MSRB3: variants seen among roughly 807,000 people sequenced by gnomAD.
MSRB3 encodes methionine sulfoxide reductase B3, also known as methionine-R-sulfoxide reductase B3.
MSRB3 carries 13 observed loss-of-function variants against 21.0 expected under a neutral mutation model. The observed-to-expected ratio is 0.62, with a 90% CI of 0.40 to 0.98. The LOEUF (loss-of-function observed/expected upper bound fraction) is 0.98. Ranked by LOEUF, MSRB3 falls within the 50% of genes least tolerant of loss-of-function variation. MSRB3 has a pLI of 0.00. For missense variants in MSRB3, 199 were observed against 230.3 expected, an observed-to-expected ratio of 0.86 and a Z score of 0.88; for synonymous variants, 87 against 88.6, an observed-to-expected ratio of 0.98 and a Z score of 0.10.
intron 1 of MSRB3, among the ~76,000 whole-genome samples, chr12:65,291,690 G>C (rs989520801): frequency 6.6e-6 from 1 of 152,056 alleles, no homozygotes; most frequent in Non-Finnish European, 1.5e-5. Flanking sequence ...AGGGTCTTTC[G>C]TTCTCAGTTT....
chr12:65,455,391 T>C (rs117421425), intron 6 of MSRB3, among the ~76,000 whole-genome samples: 192 of 152,356 alleles, frequency 1.3e-3, no homozygotes, highest in Non-Finnish European at 2.1e-3. Context: ...ATGGTGATAG[T>C]GGAACTTTCT....
At chr12:65,445,585 C>G (rs1054806031) in intron 5 of MSRB3, among the ~76,000 whole-genome samples, 1 of 151,140 alleles carries the variant, frequency 6.6e-6, no homozygotes, top group South Asian at 2.1e-4. Flanking sequence ...TTTTTAGAGT[C>G]TATAGGTTTA....
chr12:65,424,517 T>C (rs549489461), intron 5 of MSRB3, among the ~76,000 whole-genome samples: 1 of 152,188 alleles, frequency 6.6e-6, no homozygotes, highest in Admixed American at 6.5e-5. Context: ...TTTCTATTTT[T>C]GTGTATTTCG....
chr12:65,286,384 A>T (rs1340784708), intron 1 of MSRB3: 1 of 152,224 alleles, frequency 6.6e-6, no homozygotes, highest in Non-Finnish European at 1.5e-5. Context: ...AATGTACTTT[A>T]TACTAAGACT....
chr12:65,374,565 A>T (rs1283319682), intron 5 of MSRB3, among the ~76,000 whole-genome samples: 1 of 152,224 alleles, frequency 6.6e-6, no homozygotes, highest in East Asian at 1.9e-4. Flanking sequence ...TTAGATTTAG[A>T]CAAATTCACC....
chr12:65,339,161 T>C (rs543409588), intron 4 of MSRB3, among the ~76,000 whole-genome samples: 1 of 152,182 alleles, frequency 6.6e-6, no homozygotes, highest in Admixed American at 6.5e-5. Flanking sequence ...AACAGAAAGG[T>C]GTTTCTCAGC....
At chr12:65,284,362 C>A (rs1872218149) in intron 1 of MSRB3, 1 of 152,176 alleles carries the variant, frequency 6.6e-6, no homozygotes, top group Non-Finnish European at 1.5e-5. Flanking sequence ...AGCGGCACCG[C>A]AGTAGAAGTG....
At chr12:65,448,473 G>A (rs947262008) in intron 5 of MSRB3, among the ~76,000 whole-genome samples, 1 of 152,062 alleles carries the variant, frequency 6.6e-6, no homozygotes, top group African/African-American at 2.4e-5. Context: ...AGATTATGTA[G>A]GTATAAGTAC....
intron 5 of MSRB3, among the ~76,000 whole-genome samples, chr12:65,382,759 T>G (rs902046759): frequency 3.9e-5 from 6 of 151,976 alleles, no homozygotes; most frequent in African/African-American, 1.4e-4. Context: ...TATATGGTTT[T>G]ATTTTTTCAG....
intron 6 of MSRB3, among the ~76,000 whole-genome samples, chr12:65,456,927 A>G (rs546642007): frequency 7.2e-5 from 11 of 151,910 alleles, no homozygotes; most frequent in African/African-American, 2.7e-4. Flanking sequence ...CTTTCATTTC[A>G]ATTTCTCTGT....
At chr12:65,306,222 C>G (rs933401791) in intron 1 of MSRB3, among the ~76,000 whole-genome samples, 1 of 152,122 alleles carries the variant, frequency 6.6e-6, no homozygotes, top group Non-Finnish European at 1.5e-5. Flanking sequence ...TTATTTACCG[C>G]AAACATTAAT....
intron 2 of MSRB3, among the ~76,000 whole-genome samples, chr12:65,326,313 A>T (rs1875023921): frequency 6.6e-6 from 1 of 152,186 alleles, no homozygotes; most frequent in South Asian, 2.1e-4. Flanking sequence ...CTGGTCATAG[A>T]AAAATATATT....
intron 5 of MSRB3, among the ~76,000 whole-genome samples, chr12:65,376,014 G>A (rs372846066): frequency 1.3e-4 from 19 of 151,200 alleles, no homozygotes; most frequent in African/African-American, 3.6e-4. Flanking sequence ...AGGCTTCAGT[G>A]GACATTTATT....
chr12:65,346,093 T>C (rs1244733144), intron 4 of MSRB3, among the ~76,000 whole-genome samples: 3 of 152,170 alleles, frequency 2.0e-5, no homozygotes, highest in Non-Finnish European at 4.4e-5. Context: ...CCTTTGGGTA[T>C]ATACCCAGTA....
intron 1 of MSRB3, among the ~76,000 whole-genome samples, chr12:65,281,214 C>A (rs1372762328): frequency 6.6e-6 from 1 of 152,140 alleles, no homozygotes; most frequent in Non-Finnish European, 1.5e-5. Flanking sequence ...CTGTCATAAT[C>A]TGGTCACAAT....
At chr12:65,394,005 GTAAGGTAAAT>G (rs1879636847) in intron 5 of MSRB3, among the ~76,000 whole-genome samples, 1 of 151,846 alleles carries the variant, frequency 6.6e-6, no homozygotes, top group South Asian at 2.1e-4. Context: ...TTATAAATAA[GTAAGGTAAAT>G]TACTCTATAC....
intron 5 of MSRB3, among the ~76,000 whole-genome samples, chr12:65,436,790 A>G (rs1335915808): frequency 6.6e-6 from 1 of 151,890 alleles, no homozygotes. Context: ...GACTGTCTCA[A>G]CTTGTCAACT....
At chr12:65,453,469 T>C (rs941174546) in intron 5 of MSRB3, among the ~76,000 whole-genome samples, 2 of 152,122 alleles carry the variant, frequency 1.3e-5, no homozygotes, top group African/African-American at 4.8e-5. Context: ...TAGAAAACTA[T>C]TGGATGGTCT....
chr12:65,311,844 G>T (rs992566429), intron 2 of MSRB3, among the ~76,000 whole-genome samples: 10 of 151,994 alleles, frequency 6.6e-5, no homozygotes, highest in Non-Finnish European at 1.3e-4. Context: ...GGATTGACCT[G>T]CATGAAGGCT....
Sources: allele counts gnomAD v4.1 joint callset (sites outside exome capture counted in the v4.1 genomes callset), GRCh38; gene constraint gnomAD v4.1.1; transcripts MANE v1.5; gene names NCBI Gene and HGNC (gene_info 2026-07-23, HGNC 2026-07-21).